Variants in PARP15 observed in about 807,000 individuals in gnomAD.
The protein encoded by PARP15 is protein mono-ADP-ribosyltransferase PARP15.
PARP15 carries 50 observed loss-of-function variants against 62.1 expected under a neutral mutation model. That is an observed-to-expected ratio of 0.81 (90% CI 0.64 to 1.02). The LOEUF (loss-of-function observed/expected upper bound fraction) is 1.02, where lower values mean the gene tolerates loss of function less well. Among genes scored for constraint, PARP15 ranks in the 50% least tolerant of loss-of-function variants. The pLI is 0.00. For missense variants in PARP15, 820 were observed against 826.5 expected (o/e 0.99, Z 0.10); for synonymous variants, 309 against 293.1 (o/e 1.05, Z -0.55).
At position 122,614,937 on chromosome 3, in the gene PARP15, G is replaced by T. The variant is rs1361572409; in HGVS notation, c.772-842G>T. 3 of 371,140 alleles carry T rather than the reference G, an allele frequency of 8.1e-6. No individual in the cohort carries two copies. The East Asian group carries it at 5.0e-4, about 62-fold the overall frequency. The allele number at this position is 371,140 out of a possible 1,614,324, so 23.0% of individuals were successfully genotyped here. A position where few individuals can be genotyped will look rare whatever the true frequency, so the allele number is the denominator to read the frequency against. ...CCCAGCTACTTGGGAGGCTGAGGTG[G>T]GAGGATCAGTTGAGTCCAGGGGGTT... On this transcript the variant is annotated intron_variant, in intron 4 of 11. Transcript: ENST00000464300.
intron 8 of PARP15, among the ~76,000 whole-genome samples, chr3:122,625,043 T>C (rs1489480509): frequency 6.6e-6 from 1 of 152,082 alleles, no homozygotes; most frequent in Non-Finnish European, 1.5e-5. Context: ...TTTACCATTA[T>C]TATATTCTTA....
chr3:122,616,935 A>C, intron 5 of PARP15, 80 bp from the exon 6 acceptor site: 1 of 1,470,574 alleles, frequency 6.8e-7, no homozygotes, highest in Non-Finnish European at 9.2e-7. Flanking sequence ...TGAGCTGGGA[A>C]GAGAATAGGG....
chr3:122,609,085 T>C (rs1368714189), intron 2 of PARP15, among the ~76,000 whole-genome samples: 4 of 152,172 alleles, frequency 2.6e-5, no homozygotes, highest in Non-Finnish European at 4.4e-5. Flanking sequence ...ATTGCTTCCC[T>C]AAACTGTGTA....
At chr3:122,589,345 C>T (rs1933692274) in intron 1 of PARP15, among the ~76,000 whole-genome samples, 1 of 152,176 alleles carries the variant, frequency 6.6e-6, no homozygotes, top group Non-Finnish European at 1.5e-5. Flanking sequence ...AGAATTAGGA[C>T]TTCAACTTAA....
intron 8 of PARP15, among the ~76,000 whole-genome samples, chr3:122,626,196 C>CTT (rs34106420): frequency 0.019 from 2,333 of 122,068 alleles, 98 homozygotes; most frequent in African/African-American, 0.059. Context: ...AGCTGTCACT[C>CTT]TTTTTTTTTT....
At chr3:122,593,725 C>T (rs1329665478) in intron 1 of PARP15, among the ~76,000 whole-genome samples, 1 of 152,168 alleles carries the variant, frequency 6.6e-6, no homozygotes, top group Non-Finnish European at 1.5e-5. Flanking sequence ...ACTCCCTCAG[C>T]CTTTCCCAGC....
intron 8 of PARP15, among the ~76,000 whole-genome samples, chr3:122,626,178 A>G (rs1259016799): frequency 6.6e-6 from 1 of 150,830 alleles, no homozygotes; most frequent in Non-Finnish European, 1.5e-5. Context: ...TATGATTGGT[A>G]ATGCAGCAGC....
At chr3:122,619,950 C>A in intron 7 of PARP15, 107 bp downstream of exon 7, 1 of 1,051,552 alleles carries the variant, frequency 9.5e-7, no homozygotes. Context: ...GCGAGCAAAA[C>A]TTTGCAAGAA....
chr3:122,589,584 T>C (rs1230354281), intron 1 of PARP15, among the ~76,000 whole-genome samples: 1 of 152,226 alleles, frequency 6.6e-6, no homozygotes, highest in East Asian at 1.9e-4. Flanking sequence ...TGGGGTGAAG[T>C]GGCACCTCAT....
Position 122,617,051 on chromosome 3 carries a change from C to T in PARP15, c.887C>T (p.Ala296Val), listed in dbSNP as rs371531308. 2.5e-6 allele frequency: 4 copies of T among 1,614,084 alleles called. No individual in the cohort carries two copies. In the East Asian group the frequency reaches 8.9e-5, roughly 36 times the overall value. ...ACTGTCTCTAAGCCTTGTTTCACAG[C>T]ATATGAAATGAAAATCGGTGCAATT... ...VGTVSKPCFT[A>V]YEMKIGAITF... The change falls in exon 6 of 12, where the codon GCA becomes GTA. Residue 296 changes from alanine to valine, a missense_variant. By Grantham distance (64) the Ala-to-Val change is moderately conservative. Coordinates refer to ENST00000464300, the MANE Select transcript of PARP15 (RefSeq NM_001113523.3).
In PARP15 at chr3:122,577,791, G is replaced by A. The variant is rs1875272; in HGVS notation, c.124G>A (p.Val42Met). 372,595 of 1,550,896 alleles carry A rather than the reference G, an allele frequency of 0.24. 46,074 individuals are homozygous for A. The highest frequency in any genetic ancestry group is 0.35 in the Admixed American group (17,659 of 50,920). ...RAGRDREAGS[V>M]LPAGNRGARK... ...CGGACGAGATCGGGAGGCGGGGAGC[G>A]TGCTGCCGGCCGGGAACCGTGGGGC... Residue 42 changes from valine to methionine, a missense_variant, in exon 1 of 12, where the codon GTG becomes ATG. Physicochemically the swap from Val to Met is conservative, Grantham distance 21 (BLOSUM62 1). This residue lies in a region of PARP15 where 731 missense variants were observed against 727.7 expected (regional missense o/e 1.00). Transcript: ENST00000464300.
intron 1 of PARP15, among the ~76,000 whole-genome samples, chr3:122,584,885 AT>A (rs1933298042): frequency 6.6e-6 from 1 of 151,724 alleles, no homozygotes; most frequent in African/African-American, 2.4e-5. Flanking sequence ...GCCCATTTCC[AT>A]TTTTCAAGAG....
At chr3:122,599,240 T>G (rs562540500) in intron 1 of PARP15, among the ~76,000 whole-genome samples, 1 of 152,304 alleles carries the variant, frequency 6.6e-6, no homozygotes, top group African/African-American at 2.4e-5. Flanking sequence ...TAGTGGCACA[T>G]GGCTGTGCTC....
intron 1 of PARP15, among the ~76,000 whole-genome samples, chr3:122,605,017 C>T (rs1427704337): frequency 6.6e-6 from 1 of 152,000 alleles, no homozygotes; most frequent in Non-Finnish European, 1.5e-5. Context: ...GCCTAGGTGA[C>T]AGAGCAACAC....
Position 122,632,238 on chromosome 3 carries a change from T to G in PARP15, c.1572+19T>G. On this transcript the variant is annotated intron_variant, in intron 10 of 11. Transcript: ENST00000464300. ...AGAGAAGGTAATACTGTGTTAAAAT[T>G]TACTGTTCAAAAATGTTGATGAACT... The G allele has an allele frequency of 3.1e-6, 5 of 1,605,916 alleles. No homozygotes were observed. Among genetic ancestry groups the G allele is most frequent in the Non-Finnish European group, 4.2e-6 (5 of 1,176,556 alleles).
At chr3:122,601,296 A>T (rs1469288767) in intron 1 of PARP15, among the ~76,000 whole-genome samples, 1 of 152,132 alleles carries the variant, frequency 6.6e-6, no homozygotes, top group Non-Finnish European at 1.5e-5. Flanking sequence ...AGTTACAGGC[A>T]TGAGCCACTG....
rs530432826 is a variant in PARP15, at chr3:122,609,588, C to T, written c.307-906C>T. 4.6e-5 allele frequency among the ~76,000 whole-genome samples: 7 copies of T among 152,002 alleles called. No individual in the cohort carries two copies. The South Asian group carries it at 1.5e-3, about 32-fold the overall frequency. The stretch of plus-strand genomic sequence containing the variant: ...TGGCACATGCCTGTAATCCCCGCTA[C>T]TCAGGAGGCTGAGGCATGAGAATTG... On this transcript the variant is annotated intron_variant, in intron 2 of 11. Coordinates refer to ENST00000464300, the MANE Select transcript of PARP15 (RefSeq NM_001113523.3).
intron 1 of PARP15, 112 bp downstream of exon 1, chr3:122,577,965 T>C: frequency 8.5e-7 from 1 of 1,183,060 alleles, no homozygotes; most frequent in Non-Finnish European, 1.1e-6. Flanking sequence ...CACAACCCTC[T>C]CTTCTAGGGG....
At chr3:122,603,361 A>G (rs1295545275) in intron 1 of PARP15, among the ~76,000 whole-genome samples, 5 of 152,174 alleles carry the variant, frequency 3.3e-5, no homozygotes, top group Non-Finnish European at 7.3e-5. Context: ...GAAGACCGAA[A>G]AAAAATCAGT....
Sources: gnomAD v4.1 joint callset for allele counts (sites outside exome capture counted in the v4.1 genomes callset) on GRCh38, gnomAD v4.1.1 for gene constraint, gnomAD v4.1.1 regional missense constraint, MANE v1.5 for transcripts, NCBI Gene and HGNC (gene_info 2026-07-23, HGNC 2026-07-21) for gene names.